GRM1: variants seen among roughly 807,000 people sequenced by gnomAD.
The protein encoded by GRM1 is metabotropic glutamate receptor 1.
GRM1 carries 33 observed loss-of-function variants against 90.9 expected under a neutral mutation model. That is an observed-to-expected ratio of 0.36 (90% confidence interval 0.28 to 0.49). The LOEUF is 0.49. Among genes scored for constraint, GRM1 ranks in the 20% least tolerant of loss-of-function variants. GRM1 has a pLI of 0.99. For missense variants in GRM1, 1,190 were observed against 1,534.3 expected (o/e 0.78, Z 3.75); for synonymous variants, 700 against 613.2 (o/e 1.14, Z -2.09).
intron 3 of GRM1, among the ~76,000 whole-genome samples, chr6:146,351,029 A>G (rs535494333): frequency 3.9e-5 from 6 of 152,254 alleles, no homozygotes; most frequent in Admixed American, 2.6e-4. Context: ...AAAAATGTCC[A>G]TTTTCATCCC....
At chr6:146,203,127 G>C (rs1047375078) in intron 2 of GRM1, among the ~76,000 whole-genome samples, 2 of 151,964 alleles carry the variant, frequency 1.3e-5, no homozygotes, top group African/African-American at 4.8e-5. Flanking sequence ...CCGGGAGGCG[G>C]AGCTTGCAGT....
intron 2 of GRM1, among the ~76,000 whole-genome samples, chr6:146,209,656 A>G (rs887779839): frequency 1.3e-5 from 2 of 152,166 alleles, no homozygotes; most frequent in African/African-American, 4.8e-5. Flanking sequence ...GGTATATTTC[A>G]TTCATGGAAG....
At chr6:146,132,974 AG>A (rs1430026140) in intron 1 of GRM1, among the ~76,000 whole-genome samples, 2 of 152,228 alleles carry the variant, frequency 1.3e-5, no homozygotes, top group African/African-American at 2.4e-5. Context: ...AGGATGTAAT[AG>A]TTGTCTTTCT....
chr6:146,081,576 C>A (rs916882044), intron 1 of GRM1, among the ~76,000 whole-genome samples: 2 of 152,088 alleles, frequency 1.3e-5, no homozygotes, highest in Non-Finnish European at 1.5e-5. Flanking sequence ...TGGAGCAGCC[C>A]GTAGTTTGCA....
chr6:146,079,515 C>T (rs906742563), intron 1 of GRM1, among the ~76,000 whole-genome samples: 1 of 152,046 alleles, frequency 6.6e-6, no homozygotes, highest in African/African-American at 2.4e-5. Flanking sequence ...ATAAGAAACA[C>T]CTCCATTAGT....
chr6:146,299,912 G>A (rs1206175007), intron 2 of GRM1, among the ~76,000 whole-genome samples: 1 of 152,072 alleles, frequency 6.6e-6, no homozygotes, highest in Non-Finnish European at 1.5e-5. Context: ...CCAAAAAAAA[G>A]TAGTGTTCAC....
At chr6:146,154,803 A>G (rs899266881) in intron 1 of GRM1, among the ~76,000 whole-genome samples, 3 of 152,232 alleles carry the variant, frequency 2.0e-5, no homozygotes, top group African/African-American at 7.2e-5. Context: ...ATTGTGCACC[A>G]AAAGTTAGAA....
upstream of GRM1, among the ~76,000 whole-genome samples, chr6:146,028,593 T>TGTA (rs1790587397): frequency 6.6e-6 from 1 of 152,084 alleles, no homozygotes; most frequent in South Asian, 2.1e-4. Flanking sequence ...CAAGCCTGAC[T>TGTA]TCTTACGGGG....
At chr6:146,074,956 A>G (rs1301476445) in intron 1 of GRM1, among the ~76,000 whole-genome samples, 1 of 152,196 alleles carries the variant, frequency 6.6e-6, no homozygotes, top group Non-Finnish European at 1.5e-5. Context: ...TTTAATTCAT[A>G]GAAATTACAA....
chr6:146,293,022 T>C (rs1378399796), intron 2 of GRM1, among the ~76,000 whole-genome samples: 3 of 151,952 alleles, frequency 2.0e-5, no homozygotes, highest in Non-Finnish European at 4.4e-5. Flanking sequence ...GATGCAAAAG[T>C]TCATGTATTG....
chr6:146,207,342 T>C (rs191495344), intron 2 of GRM1, among the ~76,000 whole-genome samples: 1 of 152,308 alleles, frequency 6.6e-6, no homozygotes, highest in African/African-American at 2.4e-5. Flanking sequence ...TAATGGTCAG[T>C]AATATAGAGC....
Position 146,399,725 on chromosome 6 carries a change from T to A in GRM1, c.2660+26T>A. 6.9e-7 allele frequency: 1 copy of A among 1,449,640 alleles called. No individual in the cohort carries two copies. The highest frequency in any genetic ancestry group is 9.6e-7 in the Non-Finnish European group (1 of 1,045,840). The allele number at this position is 1,449,640 out of a possible 1,614,324, so 89.8% of individuals were successfully genotyped here. On this transcript the variant is annotated intron_variant, in intron 7 of 7. Coordinates refer to ENST00000282753, the MANE Select transcript of GRM1 (RefSeq NM_001278064.2). The surrounding 1 kb of genome is among the most constrained non-coding windows in gnomAD (Gnocchi z 5.4). ...GTGAGTTATCTGACCTGTTTGTCTC[T>A]CTTTTCTCTTCCTTTCTCTGTCTCT...
Position 146,051,396 on chromosome 6 carries a change from A to G in GRM1, c.700+21179A>G, listed in dbSNP as rs564898030. ...GTAAATATGATACAGTGCTCATCCT[A>G]AGTCTTTTTCAGAGACCTACACTGG... On this transcript the variant is annotated intron_variant, in intron 1 of 7. Transcript: ENST00000282753. 4.0e-5 allele frequency among the ~76,000 whole-genome samples: 6 copies of G among 151,896 alleles called. No homozygotes were observed. In the South Asian group the frequency reaches 1.2e-3, roughly 32 times the overall value.
At chr6:146,083,992 T>A (rs903095710) in intron 1 of GRM1, among the ~76,000 whole-genome samples, 2 of 152,228 alleles carry the variant, frequency 1.3e-5, no homozygotes, top group East Asian at 3.8e-4. Context: ...ATTTATCCAT[T>A]TCTTCTAGAG....
At chr6:146,289,656 G>C (rs993497110) in intron 2 of GRM1, among the ~76,000 whole-genome samples, 7 of 152,092 alleles carry the variant, frequency 4.6e-5, no homozygotes, top group Non-Finnish European at 7.4e-5. Flanking sequence ...AATCCCACAA[G>C]CTCCATTCAT....
chr6:146,391,713 G>T (rs1351056759), intron 6 of GRM1, among the ~76,000 whole-genome samples: 1 of 151,372 alleles, frequency 6.6e-6, no homozygotes, highest in Admixed American at 6.6e-5. Context: ...AAAAAATAAA[G>T]AAAGAAAAGA....
intron 1 of GRM1, among the ~76,000 whole-genome samples, chr6:146,111,510 G>T (rs1391209195): frequency 6.6e-6 from 1 of 152,128 alleles, no homozygotes; most frequent in Non-Finnish European, 1.5e-5. Flanking sequence ...CATAGTCACA[G>T]CAGAAAGAAT....
chr6:146,092,594 C>T (rs1239663436), intron 1 of GRM1, among the ~76,000 whole-genome samples: 1 of 152,014 alleles, frequency 6.6e-6, no homozygotes, highest in Non-Finnish European at 1.5e-5. Flanking sequence ...ATCTGTTTTA[C>T]TCAATGTGTG....
At chr6:146,401,136 G>A (rs562754436) in intron 7 of GRM1, among the ~76,000 whole-genome samples, 1 of 152,132 alleles carries the variant, frequency 6.6e-6, no homozygotes, top group South Asian at 2.1e-4. Flanking sequence ...TATATACTTT[G>A]AGGATCTAAC....
Sources: allele counts gnomAD v4.1 joint callset (sites outside exome capture counted in the v4.1 genomes callset), GRCh38; gene constraint gnomAD v4.1.1; non-coding constraint Gnocchi (gnomAD v3.1); transcripts MANE v1.5; gene names NCBI Gene and HGNC (gene_info 2026-07-23, HGNC 2026-07-21).